The following KAZN variants were observed in gnomAD, a reference collection of about 807,000 sequenced individuals.
KAZN encodes the protein kazrin.
In KAZN, 40 loss-of-function variants were observed where a neutral mutation model predicts 87.4. The observed-to-expected ratio is 0.46, with a 90% confidence interval of 0.36 to 0.60. KAZN has a LOEUF of 0.60. Among genes scored for constraint, KAZN ranks in the 20% least tolerant of loss-of-function variants. The probability of loss-of-function intolerance (pLI) is 0.00; values close to 1 mark genes in which losing one functional copy is unlikely to be tolerated. For synonymous variants in KAZN, 466 were observed against 458.3 expected (o/e 1.02, Z -0.22); for missense variants, 898 against 1,073.9 (o/e 0.84, Z 2.29).
intron 1 of KAZN, among the ~76,000 whole-genome samples, chr1:14,945,554 C>G (rs1455435719): frequency 6.6e-6 from 1 of 152,210 alleles, no homozygotes; most frequent in Non-Finnish European, 1.5e-5. Flanking sequence ...CCTCCCCCCA[C>G]CCCGGCTGGC....
intron 1 of KAZN, among the ~76,000 whole-genome samples, chr1:14,839,988 C>T (rs370124428): frequency 1.3e-5 from 2 of 152,056 alleles, no homozygotes; most frequent in Admixed American, 6.6e-5. Context: ...CTTGCCTGTC[C>T]CTCTAGGAGC....
At chr1:14,151,849 T>C (rs1166238960) in intron 1 of KAZN, among the ~76,000 whole-genome samples, 1 of 152,192 alleles carries the variant, frequency 6.6e-6, no homozygotes, top group Non-Finnish European at 1.5e-5. Flanking sequence ...GTAAATTTTA[T>C]TTTGGAGGGC....
Position 13,962,037 on chromosome 1 carries a change from G to C in KAZN, c.91+68281G>C, listed in dbSNP as rs146913460. Among the ~76,000 whole-genome samples, 11 of 152,258 alleles carry C rather than the reference G, an allele frequency of 7.2e-5. No homozygotes were observed. In the East Asian group the frequency reaches 2.1e-3, roughly 29 times the overall value. ...CTTCTCACCTCAGCATAGATCCTAG[G>C]TGCTTCTTGCTGGCTGGAGCGTTGG... On this transcript the variant is annotated intron_variant, in intron 1 of 16. Transcript: ENST00000636203.
At chr1:13,944,772 A>G (rs1203823190) in intron 1 of KAZN, among the ~76,000 whole-genome samples, 9 of 152,122 alleles carry the variant, frequency 5.9e-5, no homozygotes, top group Non-Finnish European at 2.9e-5. Flanking sequence ...TGTAATTAAA[A>G]TACTTGATTA....
intron 8 of KAZN, among the ~76,000 whole-genome samples, chr1:15,079,075 C>T (rs1639884475): frequency 6.6e-6 from 1 of 152,170 alleles, no homozygotes; most frequent in African/African-American, 2.4e-5. Flanking sequence ...AAGATAGTCA[C>T]ATAGAAGACA....
chr1:14,737,779 C>G (rs1328145126), intron 1 of KAZN, among the ~76,000 whole-genome samples: 2 of 152,190 alleles, frequency 1.3e-5, no homozygotes, highest in African/African-American at 4.8e-5. Context: ...TGGCTGTTTG[C>G]CAGGTGCTGC....
At chr1:14,874,760 G>GATT (rs957311644) in intron 1 of KAZN, among the ~76,000 whole-genome samples, 1 of 152,216 alleles carries the variant, frequency 6.6e-6, no homozygotes, top group African/African-American at 2.4e-5. Context: ...CTTCTGGTTT[G>GATT]ATTATCCTTC....
chr1:14,461,196 T>C (rs920813083), intron 2 of KAZN, among the ~76,000 whole-genome samples: 1 of 152,166 alleles, frequency 6.6e-6, no homozygotes, highest in Non-Finnish European at 1.5e-5. Flanking sequence ...CTGTCATCTC[T>C]TTCACAGGGT....
chr1:14,777,236 T>G (rs1426738504), intron 1 of KAZN, among the ~76,000 whole-genome samples: 4 of 152,092 alleles, frequency 2.6e-5, no homozygotes, highest in Admixed American at 1.3e-4. Context: ...GACCTCGTGA[T>G]CTGCCTGCCT....
At chr1:14,981,556 G>A (rs1025172912) in intron 2 of KAZN, among the ~76,000 whole-genome samples, 1 of 152,204 alleles carries the variant, frequency 6.6e-6, no homozygotes, top group Non-Finnish European at 1.5e-5. Flanking sequence ...CCCATCTCTG[G>A]GGGGTTATAG....
chr1:15,012,926 A>C (rs942210681), intron 2 of KAZN, among the ~76,000 whole-genome samples: 1 of 152,152 alleles, frequency 6.6e-6, no homozygotes, highest in African/African-American at 2.4e-5. Flanking sequence ...TCTCAAAAAA[A>C]AGAAAAGAAT....
At chr1:14,326,675 C>G (rs1656448398) in intron 2 of KAZN, among the ~76,000 whole-genome samples, 1 of 152,204 alleles carries the variant, frequency 6.6e-6, no homozygotes, top group Non-Finnish European at 1.5e-5. Flanking sequence ...TTTCCACTCC[C>G]TGCATCCTTC....
chr1:14,415,957 C>T (rs1481993811), intron 2 of KAZN, among the ~76,000 whole-genome samples: 1 of 152,144 alleles, frequency 6.6e-6, no homozygotes, highest in Non-Finnish European at 1.5e-5. Flanking sequence ...AAAAGACAAA[C>T]TCCAGGGGCT....
chr1:14,799,011 A>G (rs1645922636), intron 1 of KAZN, among the ~76,000 whole-genome samples: 1 of 151,576 alleles, frequency 6.6e-6, no homozygotes, highest in Non-Finnish European at 1.5e-5. Flanking sequence ...TCCTGAGCTC[A>G]AGTGATCTGC....
At chr1:15,044,739 A>G (rs977003674) in intron 4 of KAZN, among the ~76,000 whole-genome samples, 12 of 151,934 alleles carry the variant, frequency 7.9e-5, no homozygotes, top group Non-Finnish European at 1.8e-4. Context: ...ACAAAAAAAA[A>G]AAAAGGAAAG....
chr1:15,112,324 C>T, intron 13 of KAZN, 103 bp from the exon 14 acceptor site: 1 of 719,190 alleles, frequency 1.4e-6, no homozygotes, highest in Non-Finnish European at 2.5e-6. Context: ...TGGTCATTGT[C>T]ACCAATGTGT....
intron 1 of KAZN, among the ~76,000 whole-genome samples, chr1:14,697,920 G>T (rs1358013063): frequency 6.6e-6 from 1 of 152,178 alleles, no homozygotes; most frequent in Non-Finnish European, 1.5e-5. Context: ...CAGCAGAGAG[G>T]CTGCTTCCCA....
At chr1:14,120,211 A>T (rs1393762911) in intron 1 of KAZN, among the ~76,000 whole-genome samples, 1 of 152,148 alleles carries the variant, frequency 6.6e-6, no homozygotes. Flanking sequence ...GCCTCAGGAA[A>T]CTTATAATCA....
intron 1 of KAZN, among the ~76,000 whole-genome samples, chr1:14,603,737 T>A (rs1333786983): frequency 1.3e-5 from 2 of 152,186 alleles, no homozygotes; most frequent in African/African-American, 4.8e-5. Flanking sequence ...TCCATCCCTT[T>A]ACCCTCTTAC....
Sources: allele counts gnomAD v4.1 joint callset (sites outside exome capture counted in the v4.1 genomes callset), GRCh38; gene constraint gnomAD v4.1.1; transcripts MANE v1.5; gene names NCBI Gene and HGNC (gene_info 2026-07-23, HGNC 2026-07-21).